Variants in PPP1R9A observed in about 807,000 individuals in gnomAD.
PPP1R9A encodes neurabin-1.
Under a neutral mutation model 141.9 loss-of-function variants are expected in PPP1R9A, and 59 were observed. That is an observed-to-expected ratio of 0.42 (90% confidence interval 0.34 to 0.52). The LOEUF (loss-of-function observed/expected upper bound fraction) is 0.52. PPP1R9A is among the 20% of genes least tolerant of loss of function. The pLI, the probability that PPP1R9A is intolerant of heterozygous loss-of-function variation, is 0.10. For synonymous variants in PPP1R9A, 500 were observed against 569.7 expected (o/e 0.88, Z 1.74); for missense variants, 1,444 against 1,611.9 (o/e 0.90, Z 1.78).
At chr7:95,022,143 T>G (rs1345013230) in intron 2 of PPP1R9A, among the ~76,000 whole-genome samples, 1 of 152,206 alleles carries the variant, frequency 6.6e-6, no homozygotes, top group Admixed American at 6.5e-5. Context: ...CTCTCTTATT[T>G]CCTTGAGCAG....
chr7:94,970,011 G>A (rs1798685786), intron 2 of PPP1R9A, among the ~76,000 whole-genome samples: 2 of 152,122 alleles, frequency 1.3e-5, no homozygotes, highest in South Asian at 4.1e-4. Flanking sequence ...CCAAGCTGGG[G>A]TGTCCCAGGT....
intron 2 of PPP1R9A, among the ~76,000 whole-genome samples, chr7:95,052,958 G>A (rs1351508490): frequency 6.6e-6 from 1 of 152,110 alleles, no homozygotes; most frequent in Non-Finnish European, 1.5e-5. Flanking sequence ...CCCTGGAAAA[G>A]CTCAAAAGCC....
At position 95,180,039 on chromosome 7, in the gene PPP1R9A, A is replaced by G. The variant is rs1479745459; in HGVS notation, c.1754+18068A>G. Among the ~76,000 whole-genome samples the G allele has an allele frequency of 2.6e-5, 4 of 152,170 alleles. No homozygotes were observed. The South Asian group carries it at 6.2e-4, about 24-fold the overall frequency. ...AGGAAAAAACAATTCTAAAATTCAT[A>G]TGGAACCAAAAAAGCCTGTATAGCC... On this transcript the variant is annotated intron_variant, in intron 5 of 19. Coordinates refer to ENST00000433360, the MANE Select transcript of PPP1R9A (RefSeq NM_001166160.2).
At chr7:95,273,132 G>C (rs1047218086) in intron 14 of PPP1R9A, among the ~76,000 whole-genome samples, 1 of 152,090 alleles carries the variant, frequency 6.6e-6, no homozygotes, top group Non-Finnish European at 1.5e-5. Flanking sequence ...GTATCATTTC[G>C]AGGGTCCCCA....
Position 95,269,307 on chromosome 7 carries a change from T to C in PPP1R9A, c.2924T>C (p.Leu975Pro). The change falls in exon 14 of 20, where the codon CTC becomes CCC. Residue 975 changes from leucine to proline, a missense_variant. Transcript: ENST00000433360. Reference protein sequence around the residue: ...SPESDSGVPPLTPVDSNVPFS... With the variant: ...SPESDSGVPPPTPVDSNVPFS... ...GAATCAGATTCTGGTGTTCCACCCC[T>C]CACCCCGGTGGATAGCAATGTGCCC... 1 of 1,597,688 alleles carries C rather than the reference T, an allele frequency of 6.3e-7. No individual in the cohort carries two copies. The highest frequency in any genetic ancestry group is 1.3e-5 in the African/African-American group (1 of 74,952).
rs563852138 is a variant in PPP1R9A at position 95,271,771 on chromosome 7, A to AT, written c.3125-2126dup. ...CCCAATCTGGGGGCTCAGATGTATA[A>AT]TTGGTCACAAAGGTAGTATTGGAGA... On this transcript the variant is annotated intron_variant, in intron 14 of 19. Transcript: ENST00000433360. Among the ~76,000 whole-genome samples the AT allele has an allele frequency of 5.3e-5, 8 of 152,286 alleles. No individual in the cohort carries two copies. In the South Asian group the frequency reaches 1.7e-3, roughly 32 times the overall value.
intron 5 of PPP1R9A, among the ~76,000 whole-genome samples, chr7:95,193,693 G>A (rs1402457731): frequency 6.6e-6 from 1 of 151,942 alleles, no homozygotes; most frequent in African/African-American, 2.4e-5. Flanking sequence ...TATATAACCT[G>A]TTATAATCTG....
At chr7:95,011,411 A>T (rs1392365017) in intron 2 of PPP1R9A, among the ~76,000 whole-genome samples, 1 of 152,074 alleles carries the variant, frequency 6.6e-6, no homozygotes, top group Non-Finnish European at 1.5e-5. Context: ...TACTTTTGTG[A>T]TTTTCTTCAA....
chr7:95,070,893 A>G (rs1172330555), intron 2 of PPP1R9A, among the ~76,000 whole-genome samples: 3 of 151,956 alleles, frequency 2.0e-5, no homozygotes, highest in Non-Finnish European at 4.4e-5. Flanking sequence ...AATGACTTCT[A>G]CTTTGAGACT....
intron 5 of PPP1R9A, among the ~76,000 whole-genome samples, chr7:95,169,997 A>G (rs1195137231): frequency 4.0e-5 from 6 of 151,540 alleles, no homozygotes; most frequent in East Asian, 1.9e-4. Context: ...CAAAAATACA[A>G]TAAGGTAGCA....
intron 2 of PPP1R9A, among the ~76,000 whole-genome samples, chr7:94,961,924 A>G (rs1259121844): frequency 2.6e-5 from 4 of 151,890 alleles, no homozygotes; most frequent in Non-Finnish European, 4.4e-5. Flanking sequence ...AAATATTTCA[A>G]TGCCTACTAT....
At chr7:95,211,907 T>G (rs1792222249) in intron 7 of PPP1R9A, among the ~76,000 whole-genome samples, 1 of 152,130 alleles carries the variant, frequency 6.6e-6, no homozygotes, top group Non-Finnish European at 1.5e-5. Context: ...GGAAGATCAC[T>G]TGAGCCCAGG....
At chr7:95,058,952 G>A (rs909685026) in intron 2 of PPP1R9A, among the ~76,000 whole-genome samples, 2 of 152,054 alleles carry the variant, frequency 1.3e-5, no homozygotes, top group African/African-American at 4.8e-5. Context: ...ACCACATCCA[G>A]CTAATTTTTG....
chr7:95,007,633 T>C (rs1195530229), intron 2 of PPP1R9A, among the ~76,000 whole-genome samples: 1 of 152,222 alleles, frequency 6.6e-6, no homozygotes, highest in Non-Finnish European at 1.5e-5. Context: ...TTATAGCCTG[T>C]ATGTATCAAC....
rs1425442749 is a variant in PPP1R9A at position 95,292,139 on chromosome 7, TTCTG to T, written c.*1844_*1847del. Reference sequence around the variant, plus strand: ...AGTTATCAAAGTCACCATTATGTTTTTCTGTCTGTCTTCATTAGGGGTATGATAA... The same window carrying T: ...AGTTATCAAAGTCACCATTATGTTTTTCTGTCTTCATTAGGGGTATGATAA... On this transcript the variant is annotated 3_prime_UTR_variant, in exon 20 of 20. Coordinates refer to ENST00000433360, the MANE Select transcript of PPP1R9A (RefSeq NM_001166160.2). 1.3e-5 allele frequency: 2 copies of T among 152,202 alleles called. No individual in the cohort carries two copies. The highest frequency in any genetic ancestry group is 4.8e-5 in the African/African-American group (2 of 41,446). The allele number at this position is 152,202 out of a possible 1,614,324, so 9.4% of individuals were successfully genotyped here.
chr7:95,064,029 A>C (rs569621123), intron 2 of PPP1R9A, among the ~76,000 whole-genome samples: 1 of 152,284 alleles, frequency 6.6e-6, no homozygotes, highest in South Asian at 2.1e-4. Flanking sequence ...AGGACTTCTT[A>C]AATTGTTTAA....
At chr7:95,063,505 C>T (rs1812532998) in intron 2 of PPP1R9A, among the ~76,000 whole-genome samples, 1 of 152,082 alleles carries the variant, frequency 6.6e-6, no homozygotes, top group Admixed American at 6.6e-5. Context: ...GTCAAGTCTG[C>T]AGTGAGCTGT....
At chr7:95,217,907 T>G (rs1004917346) in intron 7 of PPP1R9A, among the ~76,000 whole-genome samples, 1 of 152,176 alleles carries the variant, frequency 6.6e-6, no homozygotes, top group Non-Finnish European at 1.5e-5. Context: ...TTTGTTGATC[T>G]TTTCAAACAA....
intron 12 of PPP1R9A, among the ~76,000 whole-genome samples, chr7:95,253,015 T>A (rs1799104607): frequency 6.6e-6 from 1 of 152,222 alleles, no homozygotes; most frequent in Admixed American, 6.5e-5. Flanking sequence ...ATAAATTACT[T>A]ATGTTCTTAC....
Sources: gnomAD v4.1 joint callset for allele counts (sites outside exome capture counted in the v4.1 genomes callset) on GRCh38, gnomAD v4.1.1 for gene constraint, MANE v1.5 for transcripts, NCBI Gene and HGNC (gene_info 2026-07-23, HGNC 2026-07-21) for gene names.